LAMA4: variants seen among roughly 807,000 people sequenced by gnomAD.
The protein encoded by LAMA4 is laminin subunit alpha-4.
Under a neutral mutation model 207.1 loss-of-function variants are expected in LAMA4, and 127 were observed. That is an observed-to-expected ratio of 0.61 (90% CI 0.53 to 0.71). The LOEUF (loss-of-function observed/expected upper bound fraction) is 0.71, where lower values mean the gene tolerates loss of function less well. Among genes scored for constraint, LAMA4 ranks in the 30% least tolerant of loss-of-function variants. LAMA4 has a pLI of 0.00. For synonymous variants in LAMA4, 761 were observed against 816.0 expected (o/e 0.93, Z 1.15); for missense variants, 2,093 against 2,246.5 (o/e 0.93, Z 1.38).
At chr6:112,119,755 C>G (rs1778237647) in intron 33 of LAMA4, among the ~76,000 whole-genome samples, 1 of 152,146 alleles carries the variant, frequency 6.6e-6, no homozygotes, top group African/African-American at 2.4e-5. Context: ...GAAGCTTTTC[C>G]CAGTTAACCA....
chr6:112,205,087 T>C (rs1783983496), intron 4 of LAMA4, among the ~76,000 whole-genome samples: 1 of 152,216 alleles, frequency 6.6e-6, no homozygotes, highest in Non-Finnish European at 1.5e-5. Context: ...GTAGTAAGCA[T>C]TCAGATTTTA....
Position 112,158,727 on chromosome 6 carries a change from A to G in LAMA4, c.1817+5T>C, listed in dbSNP as rs1554337579. 1 of 1,612,786 alleles carries G rather than the reference A, an allele frequency of 6.2e-7. No homozygotes were observed. Among genetic ancestry groups the G allele is most frequent in the Non-Finnish European group, 8.5e-7 (1 of 1,178,898 alleles). ...ATATTTGCATTTCTAAAACCAGGAT[A>G]TTACCTGCTCAATTCATTAGCTTCT... On this transcript the variant is annotated splice_donor_5th_base_variant and intron_variant, in intron 14 of 38. Transcript: ENST00000230538.
intron 2 of LAMA4, among the ~76,000 whole-genome samples, chr6:112,246,703 G>A (rs1786965890): frequency 6.6e-6 from 1 of 152,042 alleles, no homozygotes; most frequent in Non-Finnish European, 1.5e-5. Flanking sequence ...TGTATTTTTA[G>A]TAGAGGCGGG....
intron 38 of LAMA4, among the ~76,000 whole-genome samples, chr6:112,113,007 A>G (rs1777794934): frequency 6.6e-6 from 1 of 152,190 alleles, no homozygotes; most frequent in African/African-American, 2.4e-5. Context: ...TAGTTACTAG[A>G]GGCTGGGAAG....
In LAMA4 at chr6:112,114,652, A is replaced by G. The variant is rs1554322823; in HGVS notation, c.5206+11T>C. The G allele has an allele frequency of 6.3e-7, 1 of 1,590,196 alleles. No homozygotes were observed. The highest frequency in any genetic ancestry group is 1.7e-5 in the Admixed American group (1 of 59,956). ...GGTGTGCAGGCTCCCCAGGGCAGTC[A>G]GTTTTCTCACCTGTAATTCTGTGCC... On this transcript the variant is annotated intron_variant, in intron 37 of 38. Transcript: ENST00000230538.
chr6:112,240,229 TTTAA>T (rs1357913421), intron 2 of LAMA4, among the ~76,000 whole-genome samples: 4 of 152,126 alleles, frequency 2.6e-5, no homozygotes, highest in Admixed American at 6.5e-5. Flanking sequence ...CATTTTTTTG[TTTAA>T]TTGTTTTATT....
intron 4 of LAMA4, among the ~76,000 whole-genome samples, chr6:112,206,140 G>A (rs895796909): frequency 1.1e-4 from 17 of 152,208 alleles, no homozygotes; most frequent in Non-Finnish European, 2.5e-4. Flanking sequence ...TTAATGAACT[G>A]TCAAACCTGA....
intron 24 of LAMA4, among the ~76,000 whole-genome samples, chr6:112,137,101 AATT>A (rs1779398998): frequency 6.6e-6 from 1 of 152,206 alleles, no homozygotes; most frequent in Non-Finnish European, 1.5e-5. Context: ...ATAAATATAG[AATT>A]ATTATGCACT....
At chr6:112,234,058 A>G (rs1292900186) in intron 2 of LAMA4, 1 of 152,074 alleles carries the variant, frequency 6.6e-6, no homozygotes, top group Admixed American at 6.6e-5. Flanking sequence ...CCCATGAGTC[A>G]CTCTCATGTG....
In LAMA4 at chr6:112,175,428, C is replaced by G; in HGVS notation, c.1242G>C (p.Lys414Asn). 1 of 1,614,174 alleles carries G rather than the reference C, an allele frequency of 6.2e-7. No homozygotes were observed. The highest frequency in any genetic ancestry group is 8.5e-7 in the Non-Finnish European group (1 of 1,179,998). Residue 414 changes from lysine (K) to asparagine (N), a missense_variant, in exon 11 of 39, where the codon AAG becomes AAC. Transcript: ENST00000230538. ...YYGEEHELSPKEISEKLVLAQ... is the reference protein window; with the variant it reads ...YYGEEHELSPNEISEKLVLAQ... ...CCAACACCAGCTTCTCAGAGATTTC[C>G]TTGGGGCTAAGTTCATGCTCTTCCC...
chr6:112,220,791 T>C (rs1312326909), intron 2 of LAMA4, among the ~76,000 whole-genome samples: 3 of 152,194 alleles, frequency 2.0e-5, no homozygotes, highest in African/African-American at 7.2e-5. Context: ...TGAAGGATAG[T>C]CCAGTATGCA....
intron 2 of LAMA4, among the ~76,000 whole-genome samples, chr6:112,220,406 T>C (rs962392489): frequency 1.3e-5 from 2 of 152,156 alleles, no homozygotes; most frequent in African/African-American, 2.4e-5. Flanking sequence ...AATCATTGTA[T>C]GTGTACTTGC....
At chr6:112,183,442 G>C (rs1782483500) in intron 9 of LAMA4, among the ~76,000 whole-genome samples, 1 of 152,166 alleles carries the variant, frequency 6.6e-6, no homozygotes, top group Non-Finnish European at 1.5e-5. Flanking sequence ...AACCTCCTGT[G>C]TTGGTGGTCT....
intron 3 of LAMA4, chr6:112,214,150 C>G: frequency 1.9e-6 from 1 of 527,096 alleles, no homozygotes; most frequent in East Asian, 3.0e-5. Flanking sequence ...ATATTTGCAA[C>G]TAAGTGAAAT....
Position 112,144,857 on chromosome 6 carries a change from G to A in LAMA4, c.2430C>T (p.Asn810=), listed in dbSNP as rs901533860. The A allele has an allele frequency of 6.2e-6, 10 of 1,614,006 alleles. No individual in the cohort carries two copies. Among genetic ancestry groups the A allele is most frequent in the African/African-American group, 1.3e-5 (1 of 75,040 alleles). Reference sequence around the variant, plus strand: ...GGATCCTCTGGATGCTGGCAGAAACGTTGCTTGCAGGTCGCTTCTGCTCAA... The same window carrying A: ...GGATCCTCTGGATGCTGGCAGAAACATTGCTTGCAGGTCGCTTCTGCTCAA... ...RTVEQKRPAS[N]VSASIQRIRE... The change falls in exon 19 of 39, where the codon AAC becomes AAT. Residue 810 remains asparagine, a synonymous_variant. Coordinates refer to ENST00000230538, the MANE Select transcript of LAMA4 (RefSeq NM_001105206.3).
intron 14 of LAMA4, among the ~76,000 whole-genome samples, chr6:112,156,641 G>A (rs1167351248): frequency 2.6e-5 from 4 of 151,508 alleles, no homozygotes; most frequent in South Asian, 2.1e-4. Context: ...CCCAAACATC[G>A]ATGATTAGTA....
At chr6:112,168,876 G>A (rs992195952) in intron 12 of LAMA4, among the ~76,000 whole-genome samples, 2 of 152,176 alleles carry the variant, frequency 1.3e-5, no homozygotes, top group Non-Finnish European at 2.9e-5. Context: ...TCTACAGAGG[G>A]AGACACTTAA....
chr6:112,181,518 T>A (rs1782355192), intron 9 of LAMA4, among the ~76,000 whole-genome samples: 1 of 152,144 alleles, frequency 6.6e-6, no homozygotes, highest in Admixed American at 6.5e-5. Context: ...CTGCTTCACA[T>A]CTATCTGTTC....
intron 5 of LAMA4, among the ~76,000 whole-genome samples, chr6:112,199,025 T>G (rs1390571481): frequency 6.6e-6 from 1 of 152,176 alleles, no homozygotes; most frequent in Non-Finnish European, 1.5e-5. Flanking sequence ...TCAAATCTCT[T>G]CTTTTCAACA....
Sources: gnomAD v4.1 joint callset for allele counts (sites outside exome capture counted in the v4.1 genomes callset) on GRCh38, gnomAD v4.1.1 for gene constraint, MANE v1.5 for transcripts, NCBI Gene and HGNC (gene_info 2026-07-23, HGNC 2026-07-21) for gene names.